Variants in INO80D observed in about 807,000 individuals in gnomAD.
The protein encoded by INO80D is INO80 complex subunit D.
A neutral mutation model predicts 87.6 loss-of-function variants in INO80D; 21 were observed. The observed-to-expected ratio is 0.24, with a 90% confidence interval of 0.17 to 0.35. INO80D has a LOEUF of 0.35. INO80D is among the 10% of genes least tolerant of loss of function. The pLI is 1.00. For synonymous variants in INO80D, 440 were observed against 491.0 expected (o/e 0.90, Z 1.37); for missense variants, 982 against 1,280.7 (o/e 0.77, Z 3.56).
intron 3 of INO80D, among the ~76,000 whole-genome samples, chr2:206,060,888 G>A (rs921920992): frequency 1.1e-4 from 17 of 151,844 alleles, no homozygotes; most frequent in Admixed American, 9.8e-4. Context: ...ACAGCTTCTC[G>A]AGATAGAAAC....
At position 206,051,215 on chromosome 2, in the gene INO80D, ATTTCT is replaced by A. The variant is rs201344882; in HGVS notation, c.965-4608_965-4604del. On this transcript the variant is annotated intron_variant, in intron 4 of 10. Coordinates refer to ENST00000403263, the MANE Select transcript of INO80D (RefSeq NM_017759.5). Reference sequence around the variant, plus strand: ...TAACTTTTAAATTCCTACAATGGATATTTCTTTTCTTTTCTTTTCTTTTTTTTTTC... The same window carrying A: ...TAACTTTTAAATTCCTACAATGGATATTTCTTTTCTTTTCTTTTTTTTTTC... 8.1e-3 allele frequency among the ~76,000 whole-genome samples: 1,238 copies of A among 152,132 alleles called. 18 individuals carry two copies. Among genetic ancestry groups the A allele is most frequent in the South Asian group, 0.015 (72 of 4,822 alleles).
In INO80D at chr2:206,004,852, A is replaced by G; in HGVS notation, c.2600T>C (p.Met867Thr). The G allele has an allele frequency of 6.2e-7, 1 of 1,614,064 alleles. No individual in the cohort carries two copies. The highest frequency in any genetic ancestry group is 8.5e-7 in the Non-Finnish European group (1 of 1,179,894). Residue 867 changes from methionine to threonine, a missense_variant, in exon 11 of 11, where the codon ATG becomes ACG. Coordinates refer to ENST00000403263, the MANE Select transcript of INO80D (RefSeq NM_017759.5). The surrounding 1 kb of genome is among the most constrained non-coding windows in gnomAD (Gnocchi z 4.9). Reference sequence around the variant, plus strand: ...TTGGGTTGGGAGCAAGTGCTGCGCCATGATGGGCATCTCTGCTGAAAAGGT... The same window carrying G: ...TTGGGTTGGGAGCAAGTGCTGCGCCGTGATGGGCATCTCTGCTGAAAAGGT... Reference protein sequence around the residue: ...AATFSAEMPIMAQHLLPTQLE... With the variant: ...AATFSAEMPITAQHLLPTQLE...
At position 206,071,961 on chromosome 2, in the gene INO80D, A is replaced by C. The variant is rs1008159121; in HGVS notation, c.-123-8717T>G. Among the ~76,000 whole-genome samples the C allele has an allele frequency of 5.9e-5, 9 of 152,118 alleles. No homozygotes were observed. The South Asian group carries it at 8.3e-4, about 14-fold the overall frequency. On this transcript the variant is annotated intron_variant, in intron 1 of 10. Coordinates refer to ENST00000403263, the MANE Select transcript of INO80D (RefSeq NM_017759.5). Reference sequence around the variant, plus strand: ...TCACATGACCAAGATCAGGAGCTGAAAGGCTGCTTGCTGCCAGTTTCTCCT... The same window carrying C: ...TCACATGACCAAGATCAGGAGCTGACAGGCTGCTTGCTGCCAGTTTCTCCT...
In INO80D at chr2:206,060,749, G is replaced by A. The variant is rs567009661; in HGVS notation, c.218+2050C>T. Reference sequence around the variant, plus strand: ...CTAATTTTGTATTTTTAGTAGAGACGGGGTTTCTCCATGTTGGTCAGGGTG... The same window carrying A: ...CTAATTTTGTATTTTTAGTAGAGACAGGGTTTCTCCATGTTGGTCAGGGTG... On this transcript the variant is annotated intron_variant, in intron 3 of 10. Transcript: ENST00000403263. 1.2e-4 allele frequency among the ~76,000 whole-genome samples: 18 copies of A among 151,916 alleles called. No homozygotes were observed. The South Asian group carries it at 2.9e-3, about 25-fold the overall frequency.
At chr2:206,056,077 C>T (rs748630615) in intron 4 of INO80D, 121 bp downstream of exon 4, 4 of 946,530 alleles carry the variant, frequency 4.2e-6, no homozygotes, top group Admixed American at 5.4e-5. Context: ...CACTGCACCA[C>T]TCTGCCTCAT....
At chr2:206,055,611 A>G (rs1689495038) in intron 4 of INO80D, among the ~76,000 whole-genome samples, 1 of 152,238 alleles carries the variant, frequency 6.6e-6, no homozygotes, top group Non-Finnish European at 1.5e-5. Flanking sequence ...TGCTATCACT[A>G]CAAATAAAAG....
intron 6 of INO80D, 45 bp from the exon 7 acceptor site, chr2:206,019,890 A>G: frequency 6.9e-7 from 1 of 1,458,458 alleles, no homozygotes; most frequent in Non-Finnish European, 9.5e-7. Flanking sequence ...TAATGCTTTA[A>G]GAATCCAGGG....
intron 1 of INO80D, among the ~76,000 whole-genome samples, chr2:206,071,061 G>A (rs546301651): frequency 5.3e-5 from 8 of 151,656 alleles, no homozygotes; most frequent in African/African-American, 1.7e-4. Context: ...GGGTTCAAGC[G>A]AATTCTCCTG....
At chr2:206,031,677 G>A (rs986383470) in intron 5 of INO80D, among the ~76,000 whole-genome samples, 1 of 152,182 alleles carries the variant, frequency 6.6e-6, no homozygotes, top group Non-Finnish European at 1.5e-5. Flanking sequence ...CATCATGGCC[G>A]ATGAGAGGCA....
chr2:206,009,358 C>CA (rs11423495), intron 9 of INO80D, among the ~76,000 whole-genome samples: 98,477 of 151,950 alleles, frequency 0.65, 32,741 homozygotes, highest in South Asian at 0.74. Context: ...AAGTCAGTTT[C>CA]GCGTCTGTTC....
At chr2:206,038,440 A>G (rs1361117619) in intron 5 of INO80D, among the ~76,000 whole-genome samples, 1 of 152,236 alleles carries the variant, frequency 6.6e-6, no homozygotes, top group Non-Finnish European at 1.5e-5. Flanking sequence ...AAGCAACAAT[A>G]TACTAGGTAA....
chr2:206,021,632 G>A lies in INO80D; in HGVS notation c.1299-1787C>T, dbSNP rs566539364. On this transcript the variant is annotated intron_variant, in intron 6 of 10. Coordinates refer to ENST00000403263, the MANE Select transcript of INO80D (RefSeq NM_017759.5). The stretch of plus-strand genomic sequence containing the variant: ...AGGGATACTTCTCTTTTTTTATTTT[G>A]AGACGGAGTTTTGCTTGTTGCCCAG... Among the ~76,000 whole-genome samples, 18 of 151,950 alleles carry A rather than the reference G, an allele frequency of 1.2e-4. No homozygotes were observed. In the East Asian group the frequency reaches 3.3e-3, roughly 28 times the overall value.
chr2:206,063,123 T>C, intron 2 of INO80D, 28 bp downstream of exon 2: 2 of 774,976 alleles, frequency 2.6e-6, no homozygotes, highest in Non-Finnish European at 2.1e-6. Flanking sequence ...AGAATTTCAC[T>C]GAGGGACTTC....
chr2:206,058,301 C>T (rs916467175), intron 3 of INO80D, among the ~76,000 whole-genome samples: 23 of 151,884 alleles, frequency 1.5e-4, no homozygotes, highest in Non-Finnish European at 1.5e-5. Context: ...AGCCTGTAGT[C>T]CCAGCTACTC....
chr2:206,018,272 G>A (rs914901689), intron 7 of INO80D, among the ~76,000 whole-genome samples: 10 of 152,150 alleles, frequency 6.6e-5, no homozygotes, highest in Non-Finnish European at 1.2e-4. Context: ...AGCCTCCCGA[G>A]TAACTGGGAT....
rs777942197 is a variant in INO80D, at chr2:206,019,817, C to T, written c.1327G>A (p.Glu443Lys). The T allele has an allele frequency of 6.2e-7, 1 of 1,613,836 alleles. No individual in the cohort carries two copies. Among genetic ancestry groups the T allele is most frequent in the Non-Finnish European group, 8.5e-7 (1 of 1,179,834 alleles). ...SISRTKLREVEPAACSGTVKG... is the reference protein window; with the variant it reads ...SISRTKLREVKPAACSGTVKG... ...ACGGTTCCACTGCATGCTGCTGGTT[C>T]CACCTCCCTCAGCTTGGTCCGGCTT... Residue 443 changes from glutamate to lysine, a missense_variant, in exon 7 of 11, where the codon GAA becomes AAA. Coordinates refer to ENST00000403263, the MANE Select transcript of INO80D (RefSeq NM_017759.5).
At chr2:206,063,117 T>C in intron 2 of INO80D, 34 bp downstream of exon 2, 6 of 807,680 alleles carry the variant, frequency 7.4e-6, no homozygotes, top group Non-Finnish European at 1.0e-5. Context: ...AAGTTGAGAA[T>C]TTCACTGAGG....
At chr2:206,042,748 G>A (rs1229483314) in intron 5 of INO80D, among the ~76,000 whole-genome samples, 3 of 151,624 alleles carry the variant, frequency 2.0e-5, no homozygotes, top group Non-Finnish European at 4.4e-5. Context: ...ACTTCGGAAG[G>A]TCAACGCAGG....
At chr2:206,066,673 C>T (rs565723226) in intron 1 of INO80D, among the ~76,000 whole-genome samples, 16 of 151,888 alleles carry the variant, frequency 1.1e-4, no homozygotes, top group African/African-American at 3.9e-4. Context: ...AGTGTGGTGG[C>T]ACACACCTGT....
Sources: allele counts gnomAD v4.1 joint callset (sites outside exome capture counted in the v4.1 genomes callset), GRCh38; gene constraint gnomAD v4.1.1; non-coding constraint Gnocchi (gnomAD v3.1); transcripts MANE v1.5; gene names NCBI Gene and HGNC (gene_info 2026-07-23, HGNC 2026-07-21).